The following PTPN6 variants were observed in gnomAD, a reference collection of about 807,000 sequenced individuals.
PTPN6 encodes the protein tyrosine-protein phosphatase non-receptor type 6.
Under a neutral mutation model 81.5 loss-of-function variants are expected in PTPN6, and 18 were observed. That is an observed-to-expected ratio of 0.22 (90% CI 0.15 to 0.33). The LOEUF (loss-of-function observed/expected upper bound fraction) is 0.33. Ranked by LOEUF, PTPN6 falls within the 10% of genes least tolerant of loss-of-function variation. The pLI is 1.00. For synonymous variants in PTPN6, 301 were observed against 310.9 expected (o/e 0.97, Z 0.33); for missense variants, 500 against 794.2 (o/e 0.63, Z 4.45).
chr12:6,946,597 CGAG>C, upstream of PTPN6: 1 of 754,118 alleles, frequency 1.3e-6, no homozygotes, highest in East Asian at 2.7e-5. Context: ...CAGGCAGGAT[CGAG>C]GAGGAAGTGG....
chr12:6,946,722 A>G, upstream of PTPN6: 1 of 1,612,124 alleles, frequency 6.2e-7, no homozygotes, highest in Non-Finnish European at 8.5e-7. Flanking sequence ...CTCCCTACAG[A>G]GAGATGCTGT....
At chr12:6,953,931 C>T (rs1945973647) in intron 3 of PTPN6, among the ~76,000 whole-genome samples, 1 of 152,324 alleles carries the variant, frequency 6.6e-6, no homozygotes, top group Non-Finnish European at 1.5e-5. Context: ...CCCCTCGTCC[C>T]TGGGCTGAGG....
intron 3 of PTPN6, chr12:6,953,036 G>A (rs782748776): frequency 3.1e-4 from 47 of 152,268 alleles, no homozygotes; most frequent in African/African-American, 1.1e-3. Flanking sequence ...TGAAATGATC[G>A]GGAACCTTGC....
chr12:6,948,267 A>G (rs781806451), upstream of PTPN6, among the ~76,000 whole-genome samples: 8 of 151,872 alleles, frequency 5.3e-5, no homozygotes, highest in Non-Finnish European at 8.8e-5. Context: ...TACGACTACG[A>G]CTACTACTAC....
chr12:6,957,516 C>T lies in PTPN6; in HGVS notation c.1075-138C>T, dbSNP rs1946052418. On this transcript the variant is annotated intron_variant, in intron 9 of 15. Coordinates refer to ENST00000318974, the MANE Select transcript of PTPN6 (RefSeq NM_002831.6). The surrounding 1 kb of genome is among the most constrained non-coding windows in gnomAD (Gnocchi z 6.5). The stretch of plus-strand genomic sequence containing the variant: ...TGATCTGAGACGAGAGCCCAGGTCT[C>T]CTGCCTCTCTGCCAGCCCATCCGTC... 20 of 1,199,474 alleles carry T rather than the reference C, an allele frequency of 1.7e-5. No individual in the cohort carries two copies. Among genetic ancestry groups the T allele is most frequent in the Non-Finnish European group, 2.2e-5 (19 of 847,412 alleles). The allele number at this position is 1,199,474 out of a possible 1,614,324, so 74.3% of individuals were successfully genotyped here.
rs1385898839 is a variant in PTPN6 at position 6,952,603 on chromosome 12, G to C, written c.326+426G>C. 3.6e-6 allele frequency: 1 copy of C among 279,838 alleles called. No homozygotes were observed. Among genetic ancestry groups the C allele is most frequent in the Non-Finnish European group, 7.1e-6 (1 of 141,234 alleles). 17.3% of individuals were successfully genotyped at this position (279,838 alleles called of 1,614,324 possible). A position where few individuals can be genotyped will look rare whatever the true frequency, so the allele number is the denominator to read the frequency against. ...TTAGGACAGTGAGGAGCTGACACTG[G>C]GGTGAAGATGGGGATGAATGCTTGC... On this transcript the variant is annotated intron_variant, in intron 3 of 15. Transcript: ENST00000318974. This position sits in a 1 kb window ranked among gnomAD's most constrained non-coding sequence, Gnocchi z 8.1.
In PTPN6 at chr12:6,957,410, G is replaced by A. The variant is rs1458687552; in HGVS notation, c.1075-244G>A. Among the ~76,000 whole-genome samples the A allele has an allele frequency of 6.6e-6, 1 of 152,248 alleles. No individual in the cohort carries two copies. The highest frequency in any genetic ancestry group is 1.5e-5 in the Non-Finnish European group (1 of 68,044). Reference sequence around the variant, plus strand: ...TGGTTTGCACAGCTTCGGGGACAATGCCTGCCCTGGCAACGTTTGTTGAAT... The same window carrying A: ...TGGTTTGCACAGCTTCGGGGACAATACCTGCCCTGGCAACGTTTGTTGAAT... On this transcript the variant is annotated intron_variant, in intron 9 of 15. Transcript: ENST00000318974. This position sits in a 1 kb window ranked among gnomAD's most constrained non-coding sequence, Gnocchi z 6.5.
At chr12:6,946,966 C>A (rs1197709432), upstream of PTPN6, among the ~76,000 whole-genome samples, 1 of 152,194 alleles carries the variant, frequency 6.6e-6, no homozygotes, top group Non-Finnish European at 1.5e-5. Context: ...AAGTGTGTAT[C>A]TGTTCTCTCC....
chr12:6,948,858 T>C (rs1037517779), upstream of PTPN6, among the ~76,000 whole-genome samples: 3 of 151,524 alleles, frequency 2.0e-5, no homozygotes, highest in Non-Finnish European at 4.4e-5. Context: ...GGCAGGAGAA[T>C]TGCTTGAACC....
rs1464764747 is a variant in PTPN6, at chr12:6,959,910, C to T, written c.1362-17C>T. 2 of 1,610,772 alleles carry T rather than the reference C, an allele frequency of 1.2e-6. No individual in the cohort carries two copies. Among genetic ancestry groups the T allele is most frequent in the Non-Finnish European group, 1.7e-6 (2 of 1,179,762 alleles). ...AGGGCTTGACTGGCCTCTGATGGCA[C>T]CCCCGTCTTTCCCCAGCGCCGGCAT... On this transcript the variant is annotated splice_polypyrimidine_tract_variant and intron_variant, in intron 11 of 15. Transcript: ENST00000318974. The surrounding 1 kb of genome is among the most constrained non-coding windows in gnomAD (Gnocchi z 6.6).
chr12:6,949,980 C>T (rs1299561393), upstream of PTPN6, among the ~76,000 whole-genome samples: 1 of 140,914 alleles, frequency 7.1e-6, no homozygotes, highest in East Asian at 2.1e-4. Flanking sequence ...TGGGGTTTCA[C>T]TATGTTGGCC....
Position 6,955,005 on chromosome 12 carries a change from C to T in PTPN6, c.516+11C>T, listed in dbSNP as rs782077637. On this transcript the variant is annotated intron_variant, in intron 4 of 15. Coordinates refer to ENST00000318974, the MANE Select transcript of PTPN6 (RefSeq NM_002831.6). This position sits in a 1 kb window ranked among gnomAD's most constrained non-coding sequence, Gnocchi z 7.2. Reference sequence around the variant, plus strand: ...AAGGTCATGTGCGAGGTAAGGCAGCCAGGCGGCGGGGGAGCCTCTGCTGAG... The same window carrying T: ...AAGGTCATGTGCGAGGTAAGGCAGCTAGGCGGCGGGGGAGCCTCTGCTGAG... The T allele has an allele frequency of 1.2e-6, 2 of 1,613,904 alleles. No homozygotes were observed. Among genetic ancestry groups the T allele is most frequent in the African/African-American group, 1.3e-5 (1 of 74,920 alleles).
upstream of PTPN6, chr12:6,946,805 G>T: frequency 6.7e-7 from 1 of 1,502,784 alleles, no homozygotes; most frequent in East Asian, 2.4e-5. Context: ...GGGCTTTGTT[G>T]ATGCTCACTC....
chr12:6,952,181 AG>A lies in PTPN6; in HGVS notation c.326+7del. The A allele has an allele frequency of 6.2e-7, 1 of 1,613,192 alleles. No homozygotes were observed. Among genetic ancestry groups the A allele is most frequent in the Middle Eastern group, 1.8e-4 (1 of 5,670 alleles). On this transcript the variant is annotated splice_donor_5th_base_variant and intron_variant, in intron 3 of 15. Transcript: ENST00000318974. The surrounding 1 kb of genome is among the most constrained non-coding windows in gnomAD (Gnocchi z 8.1). ...GCTCCGATCCCACTAGTGAGAGGTGAGGGCTCCGCACCCCCGCCATTCCCAA... is the reference window on the plus strand; with the variant it reads ...GCTCCGATCCCACTAGTGAGAGGTGAGGCTCCGCACCCCCGCCATTCCCAA...
rs1287437406 is a variant in PTPN6 at position 6,951,986 on chromosome 12, G to C, written c.135G>C (p.Val45=). 1 of 1,613,894 alleles carries C rather than the reference G, an allele frequency of 6.2e-7. No individual in the cohort carries two copies. The highest frequency in any genetic ancestry group is 8.5e-7 in the Non-Finnish European group (1 of 1,179,958). ...NQGDFSLSVR[V]GDQVTHIRIQ... ...CTCACCGCCTGGTGCCCTGCAGGGT[G>C]GGGGATCAGGTGACCCATATTCGGA... Residue 45 remains valine (V), a synonymous_variant, in exon 3 of 16, where the codon GTG becomes GTC. Transcript: ENST00000318974. The surrounding 1 kb of genome is among the most constrained non-coding windows in gnomAD (Gnocchi z 7.2).
At position 6,954,503 on chromosome 12, in the gene PTPN6, C is replaced by T. The variant is rs1475526350; in HGVS notation, c.327-302C>T. 6.6e-6 allele frequency among the ~76,000 whole-genome samples: 1 copy of T among 152,182 alleles called. No individual in the cohort carries two copies. Among genetic ancestry groups the T allele is most frequent in the African/African-American group, 2.4e-5 (1 of 41,420 alleles). ...TCGAGGCTGCAGAGAGCTGTAACCGCGCCACTGCACTCCAGCCTGGGCAAC... is the reference window on the plus strand; with the variant it reads ...TCGAGGCTGCAGAGAGCTGTAACCGTGCCACTGCACTCCAGCCTGGGCAAC... On this transcript the variant is annotated intron_variant, in intron 3 of 15. Transcript: ENST00000318974. The surrounding 1 kb of genome is among the most constrained non-coding windows in gnomAD (Gnocchi z 5.4).
At chr12:6,951,059 G>A (rs782395572), upstream of PTPN6, among the ~76,000 whole-genome samples, 1 of 152,216 alleles carries the variant, frequency 6.6e-6, no homozygotes, top group Non-Finnish European at 1.5e-5. This position sits in a 1 kb window ranked among gnomAD's most constrained non-coding sequence, Gnocchi z 7.2. Flanking sequence ...AGCAGCTGGT[G>A]GAGGAGGGAG....
At position 6,961,243 on chromosome 12, in the gene PTPN6, T is replaced by C. The variant is rs939041637; in HGVS notation, c.*143T>C. ...CATCCCCCCCACCTCTCCCTGACCC[T>C]GTATATAGCCCAGCCAGGCCCCAGG... On this transcript the variant is annotated 3_prime_UTR_variant, in exon 16 of 16. Transcript: ENST00000318974. The C allele has an allele frequency of 7.5e-6, 3 of 399,934 alleles. No homozygotes were observed. Among genetic ancestry groups the C allele is most frequent in the African/African-American group, 6.1e-5 (3 of 48,816 alleles). 24.8% of individuals were successfully genotyped at this position (399,934 alleles called of 1,614,324 possible).
upstream of PTPN6, among the ~76,000 whole-genome samples, chr12:6,947,684 AAAAG>A (rs1192508777): frequency 5.3e-5 from 8 of 151,666 alleles, no homozygotes; most frequent in South Asian, 2.1e-4. Flanking sequence ...AAAAAAAAAA[AAAAG>A]AAAATGAACC....
Sources: gnomAD v4.1 joint callset for allele counts (sites outside exome capture counted in the v4.1 genomes callset) on GRCh38, gnomAD v4.1.1 for gene constraint, Gnocchi (gnomAD v3.1) non-coding constraint, MANE v1.5 for transcripts, NCBI Gene and HGNC (gene_info 2026-07-23, HGNC 2026-07-21) for gene names.